Variants in ACTR1B observed in about 807,000 individuals in gnomAD.
The protein encoded by ACTR1B is beta-centractin.
ACTR1B carries 34 observed loss-of-function variants against 49.4 expected under a neutral mutation model. The ratio of observed to expected loss-of-function variants is 0.69; its 90% confidence interval spans 0.52 to 0.92. ACTR1B has a LOEUF of 0.92. Ranked by LOEUF, ACTR1B falls within the 40% of genes least tolerant of loss-of-function variation. The pLI is 0.00. For missense variants in ACTR1B, 471 were observed against 522.4 expected (o/e 0.90, Z 0.96); for synonymous variants, 207 against 207.8 (o/e 1.00, Z 0.03).
intron 9 of ACTR1B, 88 bp downstream of exon 9, chr2:97,657,360 A>T: frequency 6.6e-7 from 1 of 1,515,194 alleles, no homozygotes; most frequent in Non-Finnish European, 9.2e-7. Flanking sequence ...TGAGCTGGTG[A>T]GCGGGTCTGG....
chr2:97,658,062 C>T lies in ACTR1B; in HGVS notation c.806G>A (p.Gly269Glu), dbSNP rs1303738031. The T allele has an allele frequency of 1.9e-6, 3 of 1,614,022 alleles. No homozygotes were observed. Among genetic ancestry groups the T allele is most frequent in the Non-Finnish European group, 1.7e-6 (2 of 1,180,038 alleles). The change falls in exon 8 of 11, where the codon GGG (glycine) becomes GAG (glutamate). Residue 269 changes from glycine to glutamate, a missense_variant. Physicochemically the swap from Gly to Glu is moderately conservative, Grantham distance 98. Transcript: ENST00000289228. The surrounding 1 kb of genome is among the most constrained non-coding windows in gnomAD (Gnocchi z 5.9). Reference protein sequence around the residue: ...PELLFQPDLVGDESEGLHEVV... With the variant: ...PELLFQPDLVEDESEGLHEVV... ...CTCATGGAGCCCCTCACTCTCATCC[C>T]CGACAAGGTCCGGCTGGAACAGCAG...
In ACTR1B at chr2:97,659,559, TGCCC is replaced by T; in HGVS notation, c.190-86_190-83del. 2 of 350,050 alleles carry T rather than the reference TGCCC, an allele frequency of 5.7e-6. No homozygotes were observed. Among genetic ancestry groups the T allele is most frequent in the Non-Finnish European group, 6.0e-6 (1 of 166,834 alleles). The allele number at this position is 350,050 out of a possible 1,614,324, so 21.7% of individuals were successfully genotyped here. On this transcript the variant is annotated intron_variant, in intron 3 of 10. Coordinates refer to ENST00000289228, the MANE Select transcript of ACTR1B (RefSeq NM_005735.4). The surrounding 1 kb of genome is among the most constrained non-coding windows in gnomAD (Gnocchi z 4.0). The stretch of plus-strand genomic sequence containing the variant: ...GCCCTCCTGGAAGCTGACCCTCACC[TGCCC>T]TGACCAGAACCTCACCTGCCCTGAC...
chr2:97,661,093 C>T (rs1449340400), intron 2 of ACTR1B, among the ~76,000 whole-genome samples: 2 of 152,246 alleles, frequency 1.3e-5, no homozygotes, highest in African/African-American at 4.8e-5. Flanking sequence ...ACTGCCAGCG[C>T]TTCTGGATCA....
rs1051924877 is a variant in ACTR1B at position 97,656,434 on chromosome 2, T to C, written c.*424A>G. On this transcript the variant is annotated 3_prime_UTR_variant, in exon 11 of 11. Coordinates refer to ENST00000289228, the MANE Select transcript of ACTR1B (RefSeq NM_005735.4). ...ACCCTGTCAGGTCACGAACAGGAGG[T>C]GGCAATGGATGCAGTGACACACCAG... The C allele has an allele frequency of 3.6e-5, 8 of 220,704 alleles. No individual in the cohort carries two copies. Among genetic ancestry groups the C allele is most frequent in the Non-Finnish European group, 6.4e-5 (7 of 108,788 alleles). The allele number at this position is 220,704 out of a possible 1,614,324, so 13.7% of individuals were successfully genotyped here. A position where few individuals can be genotyped will look rare whatever the true frequency, so the allele number is the denominator to read the frequency against.
rs1039524480 is a variant in ACTR1B at position 97,659,445 on chromosome 2, G to A, written c.222C>T (p.Pro74=). The change falls in exon 4 of 11, where the codon CCC becomes CCT. Residue 74 remains proline (P), a synonymous_variant. Transcript: ENST00000289228. The surrounding 1 kb of genome is among the most constrained non-coding windows in gnomAD (Gnocchi z 4.0). ...EHRGLLTIRY[P]MEHGVVRDWN... is the part of the protein sequence containing the mutation. Reference sequence around the variant, plus strand: ...AGTCTCGCACCACGCCGTGCTCCATGGGGTAGCGGATGGTCAGCAGCCCCC... The same window carrying A: ...AGTCTCGCACCACGCCGTGCTCCATAGGGTAGCGGATGGTCAGCAGCCCCC... 6.2e-7 allele frequency: 1 copy of A among 1,613,956 alleles called. No individual in the cohort carries two copies. Among genetic ancestry groups the A allele is most frequent in the East Asian group, 2.2e-5 (1 of 44,880 alleles).
In ACTR1B at chr2:97,658,023, G is replaced by GC; in HGVS notation, c.844dup (p.Ala282GlyfsTer36). ...CAGGTCCATGTCGGACTTGTGTATG[G>GC]CGAAGGCCACCACCTCATGGAGCCC... On this transcript the variant is annotated frameshift_variant, in exon 8 of 11. Transcript: ENST00000289228. LOFTEE classifies it high-confidence loss of function. The surrounding 1 kb of genome is among the most constrained non-coding windows in gnomAD (Gnocchi z 5.9). The GC allele has an allele frequency of 6.2e-7, 1 of 1,614,154 alleles. No homozygotes were observed. Among genetic ancestry groups the GC allele is most frequent in the East Asian group, 2.2e-5 (1 of 44,886 alleles).
chr2:97,661,785 G>C (rs1367300575), intron 2 of ACTR1B, 97 bp downstream of exon 2: 37 of 1,268,930 alleles, frequency 2.9e-5, no homozygotes, highest in Non-Finnish European at 3.9e-5. Context: ...ATACAGGTCA[G>C]GGCACAAATT....
chr2:97,657,628 G>C, intron 8 of ACTR1B, 119 bp from the exon 9 acceptor site: 1 of 1,095,886 alleles, frequency 9.1e-7, no homozygotes, highest in Non-Finnish European at 1.4e-6. Flanking sequence ...GCTCTTCCCA[G>C]GATGAAGGGC....
In ACTR1B at chr2:97,656,963, G is replaced by A. The variant is rs1202717859; in HGVS notation, c.1029-3C>T. 2.5e-6 allele frequency: 4 copies of A among 1,591,682 alleles called. No homozygotes were observed. Among genetic ancestry groups the A allele is most frequent in the Admixed American group, 1.8e-5 (1 of 55,866 alleles). On this transcript the variant is annotated splice_region_variant and splice_polypyrimidine_tract_variant and intron_variant, in intron 10 of 10. Coordinates refer to ENST00000289228, the MANE Select transcript of ACTR1B (RefSeq NM_005735.4). Reference sequence around the variant, plus strand: ...CCAGCGAGGCCAGGATGGAGCCGCTGTGGGGATGGAGGGATAGTATTGCTG... The same window carrying A: ...CCAGCGAGGCCAGGATGGAGCCGCTATGGGGATGGAGGGATAGTATTGCTG...
chr2:97,660,553 C>T lies in ACTR1B; in HGVS notation c.189+18G>A, dbSNP rs771251640. ...TGAGGACCCCACCCCCAGGGAAAGGCAGGCTCCTCGGTGTTACCTCTGCTT... is the reference window on the plus strand; with the variant it reads ...TGAGGACCCCACCCCCAGGGAAAGGTAGGCTCCTCGGTGTTACCTCTGCTT... On this transcript the variant is annotated intron_variant, in intron 3 of 10. Coordinates refer to ENST00000289228, the MANE Select transcript of ACTR1B (RefSeq NM_005735.4). 5 of 1,612,712 alleles carry T rather than the reference C, an allele frequency of 3.1e-6. No homozygotes were observed. The highest frequency in any genetic ancestry group is 4.5e-5 in the East Asian group (2 of 44,872).
At chr2:97,657,626 C>A in intron 8 of ACTR1B, 117 bp from the exon 9 acceptor site, 1 of 1,116,924 alleles carries the variant, frequency 9.0e-7, no homozygotes, top group South Asian at 1.3e-5. Context: ...CAGCTCTTCC[C>A]AGGATGAAGG....
rs748291583 is a variant in ACTR1B, at chr2:97,663,848, CGAT to C, written c.40_42del (p.Ile14del). 1 of 1,422,450 alleles carries C rather than the reference CGAT, an allele frequency of 7.0e-7. No individual in the cohort carries two copies. Among genetic ancestry groups the C allele is most frequent in the South Asian group, 1.4e-5 (1 of 71,490 alleles). 88.1% of individuals were successfully genotyped at this position (1,422,450 alleles called of 1,614,324 possible). On this transcript the variant is annotated inframe_deletion, in exon 1 of 11. Coordinates refer to ENST00000289228, the MANE Select transcript of ACTR1B (RefSeq NM_005735.4). ...CCCTGGCTGCCGGGCCTCACGTTGT[CGAT>C]GACCACAGGCTGGTTGGCGATGATG... is the stretch of plus-strand genomic sequence containing the variant.
At position 97,663,947 on chromosome 2, in the gene ACTR1B, G is replaced by A. The variant is rs1482987724; in HGVS notation, c.-57C>T. 2.1e-5 allele frequency: 20 copies of A among 975,010 alleles called. 1 individual carries two copies. The highest frequency in any genetic ancestry group is 4.5e-5 in the Admixed American group (1 of 22,468). 60.4% of individuals were successfully genotyped at this position (975,010 alleles called of 1,614,324 possible). On this transcript the variant is annotated 5_prime_UTR_variant, in exon 1 of 11. Transcript: ENST00000289228. ...GGGCTGCAGGAGGCACCGGATGGGCGGGCGGGCGGGAGGACCGGGACGGCG... is the reference window on the plus strand; with the variant it reads ...GGGCTGCAGGAGGCACCGGATGGGCAGGCGGGCGGGAGGACCGGGACGGCG...
intron 3 of ACTR1B, among the ~76,000 whole-genome samples, chr2:97,660,161 G>A (rs1010227953): frequency 3.3e-5 from 5 of 152,186 alleles, no homozygotes; most frequent in Non-Finnish European, 5.9e-5. Context: ...CCTTGGCCAA[G>A]CTCAGCTTGC....
rs577318131 is a variant in ACTR1B at position 97,658,005 on chromosome 2, A to G, written c.863T>C (p.Met288Thr). The G allele has an allele frequency of 8.9e-5, 143 of 1,614,170 alleles. 2 individuals are homozygous for G. The South Asian group carries it at 1.4e-3, about 16-fold the overall frequency. ...GGCGAACAGCGTCCGGCGCAGGTCC[A>G]TGTCGGACTTGTGTATGGCGAAGGC... The part of the protein sequence containing the change: ...VVAFAIHKSD[M>T]DLRRTLFANI... Residue 288 changes from methionine (M) to threonine (T), a missense_variant, in exon 8 of 11, where the codon ATG (methionine) becomes ACG (threonine). By Grantham distance (81) the Met-to-Thr change is moderately conservative. Coordinates refer to ENST00000289228, the MANE Select transcript of ACTR1B (RefSeq NM_005735.4). This position sits in a 1 kb window ranked among gnomAD's most constrained non-coding sequence, Gnocchi z 5.9.
In ACTR1B at chr2:97,659,329, T is replaced by C. The variant is rs751805125; in HGVS notation, c.315+23A>G. 1.2e-6 allele frequency: 2 copies of C among 1,613,510 alleles called. No individual in the cohort carries two copies. The highest frequency in any genetic ancestry group is 1.1e-5 in the South Asian group (1 of 91,080). On this transcript the variant is annotated intron_variant, in intron 4 of 10. Coordinates refer to ENST00000289228, the MANE Select transcript of ACTR1B (RefSeq NM_005735.4). The surrounding 1 kb of genome is among the most constrained non-coding windows in gnomAD (Gnocchi z 4.0). ...GGCATGGCCAGGAGAATGCAGAGCA[T>C]GCAGGAGGGGCAGCCGCCACACCTC...
At position 97,664,008 on chromosome 2, in the gene ACTR1B, C is replaced by G. The variant is rs369043931; in HGVS notation, c.-118G>C. 23 of 533,378 alleles carry G rather than the reference C, an allele frequency of 4.3e-5. No homozygotes were observed. Among genetic ancestry groups the G allele is most frequent in the Non-Finnish European group, 5.8e-5 (21 of 362,556 alleles). 33.0% of individuals were successfully genotyped at this position (533,378 alleles called of 1,614,324 possible). A position where few individuals can be genotyped will look rare whatever the true frequency, so the allele number is the denominator to read the frequency against. Reference sequence around the variant, plus strand: ...ACGCGGCGCCGCTGCCCTCCCTCCCCGAGCCTGCAGCCTACGCGAGCCCCG... The same window carrying G: ...ACGCGGCGCCGCTGCCCTCCCTCCCGGAGCCTGCAGCCTACGCGAGCCCCG... On this transcript the variant is annotated 5_prime_UTR_variant, in exon 1 of 11. Coordinates refer to ENST00000289228, the MANE Select transcript of ACTR1B (RefSeq NM_005735.4).
chr2:97,660,791 G>A, intron 2 of ACTR1B, 145 bp from the exon 3 acceptor site: 3 of 755,440 alleles, frequency 4.0e-6, no homozygotes, highest in East Asian at 2.7e-5. Flanking sequence ...GTTGGAACTG[G>A]GGCCTATGGG....
chr2:97,661,369 G>A (rs577608061), intron 2 of ACTR1B, among the ~76,000 whole-genome samples: 18 of 152,324 alleles, frequency 1.2e-4, no homozygotes, highest in East Asian at 3.9e-4. Flanking sequence ...CAATGGGCTC[G>A]TGGTGGGTGC....
Sources: gnomAD v4.1 joint callset for allele counts (sites outside exome capture counted in the v4.1 genomes callset) on GRCh38, gnomAD v4.1.1 for gene constraint, Gnocchi (gnomAD v3.1) non-coding constraint, MANE v1.5 for transcripts, NCBI Gene and HGNC (gene_info 2026-07-23, HGNC 2026-07-21) for gene names.